TRPS1: variants seen among roughly 807,000 people sequenced by gnomAD.
The protein encoded by TRPS1 is transcriptional repressor GATA binding 1.
In TRPS1, 6 loss-of-function variants were observed where a neutral mutation model predicts 101.2. The ratio of observed to expected loss-of-function variants is 0.06; its 90% CI spans 0.03 to 0.12. The LOEUF (loss-of-function observed/expected upper bound fraction) is 0.12, where lower values mean the gene tolerates loss of function less well. TRPS1 is among the 10% of genes least tolerant of loss of function. The pLI, the probability that TRPS1 is intolerant of heterozygous loss-of-function variation, is 1.00. For synonymous variants in TRPS1, 578 were observed against 589.8 expected, an observed-to-expected ratio of 0.98 and a Z score of 0.29; for missense variants, 1,363 against 1,567.0, an observed-to-expected ratio of 0.87 and a Z score of 2.20.
chr8:115,442,585 G>T (rs908513059), intron 5 of TRPS1, among the ~76,000 whole-genome samples: 1 of 149,014 alleles, frequency 6.7e-6, no homozygotes, highest in Middle Eastern at 3.4e-3. Flanking sequence ...GTGTGTATGT[G>T]TGTGTGCATG....
In TRPS1 at chr8:115,486,163, C is replaced by T. The variant is rs141677167; in HGVS notation, c.2701-67711G>A. On this transcript the variant is annotated intron_variant, in intron 5 of 6. Coordinates refer to ENST00000395715, the MANE Select transcript of TRPS1 (RefSeq NM_014112.5). ...CATTTTGGTAATTCTCACAATATTC[C>T]GAACTTTTTCATTATTACTATAGTA... is the stretch of plus-strand genomic sequence containing the variant. Among the ~76,000 whole-genome samples the T allele has an allele frequency of 1.5e-3, 229 of 152,222 alleles. 5 individuals are homozygous for T. The highest frequency in any genetic ancestry group is 5.1e-3 in the African/African-American group (211 of 41,532).
At chr8:115,563,408 G>A (rs904645898) in intron 5 of TRPS1, among the ~76,000 whole-genome samples, 4 of 151,972 alleles carry the variant, frequency 2.6e-5, no homozygotes, top group East Asian at 1.9e-4. Flanking sequence ...TCAGATTTAC[G>A]TCAAGGTTCA....
chr8:115,434,490 A>G (rs2129847653), intron 5 of TRPS1, among the ~76,000 whole-genome samples: 1 of 152,296 alleles, frequency 6.6e-6, no homozygotes, highest in East Asian at 1.9e-4. Context: ...CAATATCCTT[A>G]CATTTTATAA....
rs201296334 is a variant in TRPS1 at position 115,418,315 on chromosome 8, G to A, written c.2823+15C>T. 21 of 1,614,074 alleles carry A rather than the reference G, an allele frequency of 1.3e-5. No homozygotes were observed. In the Admixed American group the frequency reaches 3.5e-4, roughly 27 times the overall value. On this transcript the variant is annotated intron_variant, in intron 6 of 6. Coordinates refer to ENST00000395715, the MANE Select transcript of TRPS1 (RefSeq NM_014112.5). The surrounding 1 kb of genome is among the most constrained non-coding windows in gnomAD (Gnocchi z 4.3). ...TTTATAAAGCTTTTCCTGAAAGAGTGGAACAAGTTCTTACCGAGTGAAGCT... is the reference window on the plus strand; with the variant it reads ...TTTATAAAGCTTTTCCTGAAAGAGTAGAACAAGTTCTTACCGAGTGAAGCT...
intron 5 of TRPS1, among the ~76,000 whole-genome samples, chr8:115,427,319 T>C (rs995113002): frequency 6.6e-6 from 1 of 152,114 alleles, no homozygotes; most frequent in African/African-American, 2.4e-5. Flanking sequence ...AAAAGAATTT[T>C]TGAATCAACT....
chr8:115,665,661 A>T (rs1385485082), intron 1 of TRPS1, among the ~76,000 whole-genome samples: 1 of 152,208 alleles, frequency 6.6e-6, no homozygotes, highest in East Asian at 1.9e-4. Context: ...TTATAAAATC[A>T]TTTAAAATAT....
chr8:115,572,965 C>G (rs1235216221), intron 5 of TRPS1, among the ~76,000 whole-genome samples: 1 of 151,958 alleles, frequency 6.6e-6, no homozygotes, highest in Non-Finnish European at 1.5e-5. Flanking sequence ...GAAACCCCGT[C>G]TCTACTAAAA....
chr8:115,550,446 A>G lies in TRPS1; in HGVS notation c.2700+36555T>C, dbSNP rs73373253. 5.6e-3 allele frequency among the ~76,000 whole-genome samples: 856 copies of G among 152,296 alleles called. 8 individuals are homozygous for G. The highest frequency in any genetic ancestry group is 0.02 in the African/African-American group (817 of 41,570). On this transcript the variant is annotated intron_variant, in intron 5 of 6. Coordinates refer to ENST00000395715, the MANE Select transcript of TRPS1 (RefSeq NM_014112.5). ...TCTGAAGTTCAGGAGCCTTATCTGT[A>G]CAATGAAGATAATCATATTTAGTGG...
intron 5 of TRPS1, among the ~76,000 whole-genome samples, chr8:115,548,974 T>C (rs1461990370): frequency 6.6e-6 from 1 of 152,204 alleles, no homozygotes; most frequent in Non-Finnish European, 1.5e-5. Flanking sequence ...GGCACTGAGC[T>C]GGTAAAGTAG....
intron 3 of TRPS1, among the ~76,000 whole-genome samples, chr8:115,613,155 G>A (rs1818207306): frequency 6.6e-6 from 1 of 152,084 alleles, no homozygotes. Context: ...TTAATTTGGG[G>A]ATCAAACATT....
At chr8:115,559,771 C>G (rs981044100) in intron 5 of TRPS1, among the ~76,000 whole-genome samples, 1 of 152,026 alleles carries the variant, frequency 6.6e-6, no homozygotes, top group Non-Finnish European at 1.5e-5. Flanking sequence ...AAATCTTACC[C>G]TTGAAAGTGC....
rs1321424670 is a variant in TRPS1, at chr8:115,411,058, T to C, written c.*2965A>G. The C allele has an allele frequency of 6.6e-6, 1 of 151,850 alleles. No individual in the cohort carries two copies. Among genetic ancestry groups the C allele is most frequent in the East Asian group, 1.9e-4 (1 of 5,162 alleles). 9.4% of individuals were successfully genotyped at this position (151,850 alleles called of 1,614,324 possible). A position where few individuals can be genotyped will look rare whatever the true frequency, so the allele number is the denominator to read the frequency against. Reference sequence around the variant, plus strand: ...AGGAGTGTTTAGTGTTATAATAAATTTTTGTCTCTTTCAAAAAAGCCCAAC... The same window carrying C: ...AGGAGTGTTTAGTGTTATAATAAATCTTTGTCTCTTTCAAAAAAGCCCAAC... On this transcript the variant is annotated 3_prime_UTR_variant, in exon 7 of 7. Coordinates refer to ENST00000395715, the MANE Select transcript of TRPS1 (RefSeq NM_014112.5).
At chr8:115,586,848 G>T in intron 5 of TRPS1, 153 bp downstream of exon 5, 1 of 1,283,354 alleles carries the variant, frequency 7.8e-7, no homozygotes, top group Non-Finnish European at 1.1e-6. Context: ...TGAGTTACTT[G>T]CTGCCACTTT....
intron 5 of TRPS1, among the ~76,000 whole-genome samples, chr8:115,441,898 AGT>A (rs796637255): frequency 2.2e-4 from 26 of 116,188 alleles, no homozygotes; most frequent in Admixed American, 5.2e-4. Flanking sequence ...AGAGAGAGAG[AGT>A]GTGTGTGTGT....
intron 5 of TRPS1, among the ~76,000 whole-genome samples, chr8:115,522,033 A>G (rs1815876878): frequency 6.6e-6 from 1 of 151,940 alleles, no homozygotes; most frequent in African/African-American, 2.4e-5. Context: ...TTCAACCAAA[A>G]TCTTTTTATG....
intron 1 of TRPS1, among the ~76,000 whole-genome samples, chr8:115,648,742 A>G (rs893588420): frequency 2.6e-5 from 4 of 152,172 alleles, no homozygotes; most frequent in African/African-American, 9.7e-5. Flanking sequence ...CTGCGTCTTT[A>G]AAGCTCTTTC....
rs1812732172 is a variant in TRPS1, at chr8:115,409,279, A to AAAAAAAAAAAG, written c.*4743_*4744insCTTTTTTTTTT. 1 of 150,080 alleles carries AAAAAAAAAAAG rather than the reference A, an allele frequency of 6.7e-6. No individual in the cohort carries two copies. Among genetic ancestry groups the AAAAAAAAAAAG allele is most frequent in the African/African-American group, 2.4e-5 (1 of 41,074 alleles). The allele number at this position is 150,080 out of a possible 1,614,324, so 9.3% of individuals were successfully genotyped here. A position where few individuals can be genotyped will look rare whatever the true frequency, so the allele number is the denominator to read the frequency against. ...ATGTTGGGAAAAAAAAAAAAAAAAA[A>AAAAAAAAAAAG]AACAGGGGAAAACCAGAATTGAGTT... On this transcript the variant is annotated 3_prime_UTR_variant, in exon 7 of 7. Transcript: ENST00000395715.
At chr8:115,509,153 A>G (rs759405261) in intron 5 of TRPS1, among the ~76,000 whole-genome samples, 1 of 152,032 alleles carries the variant, frequency 6.6e-6, no homozygotes, top group Non-Finnish European at 1.5e-5. Context: ...ACAACAACCT[A>G]GAAAAGTAAT....
At chr8:115,456,391 T>A (rs916780535) in intron 5 of TRPS1, among the ~76,000 whole-genome samples, 2 of 152,196 alleles carry the variant, frequency 1.3e-5, no homozygotes, top group Non-Finnish European at 2.9e-5. Context: ...CATTGCTTTT[T>A]TTCCTCAATT....
Sources: allele counts gnomAD v4.1 joint callset (sites outside exome capture counted in the v4.1 genomes callset), GRCh38; gene constraint gnomAD v4.1.1; non-coding constraint Gnocchi (gnomAD v3.1); transcripts MANE v1.5; gene names NCBI Gene and HGNC (gene_info 2026-07-23, HGNC 2026-07-21).